The following HDAC4 variants were observed in gnomAD, a reference collection of about 807,000 sequenced individuals.
HDAC4 encodes the protein histone deacetylase 4.
HDAC4 carries 16 observed loss-of-function variants against 135.1 expected under a neutral mutation model. That is an observed-to-expected ratio of 0.12 (90% CI 0.08 to 0.18). The LOEUF is 0.18. Ranked by LOEUF, HDAC4 falls within the 10% of genes least tolerant of loss-of-function variation. The pLI, the probability that HDAC4 is intolerant of heterozygous loss-of-function variation, is 1.00. For synonymous variants in HDAC4, 685 were observed against 653.4 expected (o/e 1.05, Z -0.74); for missense variants, 1,143 against 1,511.8 (o/e 0.76, Z 4.05).
chr2:239,301,009 C>T (rs889657188), intron 2 of HDAC4, among the ~76,000 whole-genome samples: 1 of 152,228 alleles, frequency 6.6e-6, no homozygotes, highest in African/African-American at 2.4e-5. Context: ...ACAAGCCCTG[C>T]CCCCTCCTCC....
In HDAC4 at chr2:239,134,436, G is replaced by C. The variant is rs561727041; in HGVS notation, c.1103C>G (p.Ala368Gly). The part of the protein sequence containing the change: ...LPATGPSAGT[A>G]GQQDAERLTL... ...GAGTCTCTCGGCGTCCTGCTGGCCC[G>C]CCGTGCCCTGGAAAGCACAGCCAGG... The change falls in exon 11 of 27, where the codon GCG becomes GGG. Residue 368 changes from alanine (A) to glycine (G), a missense_variant. This residue lies in a region of HDAC4 where 272 missense variants were observed against 309.7 expected (regional missense o/e 0.88). Coordinates refer to ENST00000543185, the MANE Select transcript of HDAC4 (RefSeq NM_001378414.1). The C allele has an allele frequency of 6.2e-7, 1 of 1,613,346 alleles. No individual in the cohort carries two copies. The highest frequency in any genetic ancestry group is 8.5e-7 in the Non-Finnish European group (1 of 1,179,748).
At chr2:239,153,775 A>C (rs1287220013) in intron 7 of HDAC4, among the ~76,000 whole-genome samples, 1 of 152,246 alleles carries the variant, frequency 6.6e-6, no homozygotes, top group Non-Finnish European at 1.5e-5. Context: ...TTAGAAGCAC[A>C]GTAGAAGGTG....
At chr2:239,097,628 C>A (rs1449616501) in intron 16 of HDAC4, among the ~76,000 whole-genome samples, 1 of 152,232 alleles carries the variant, frequency 6.6e-6, no homozygotes, top group Non-Finnish European at 1.5e-5. Context: ...GCACGCCGGA[C>A]CCCTTTGGGA....
At chr2:239,295,069 A>G (rs1380110904) in intron 2 of HDAC4, among the ~76,000 whole-genome samples, 1 of 152,094 alleles carries the variant, frequency 6.6e-6, no homozygotes, top group Non-Finnish European at 1.5e-5. Context: ...GCACTTTGGG[A>G]GGCCGAGGCG....
Position 239,307,700 on chromosome 2 carries a change from A to G in HDAC4, c.22+44978T>C, listed in dbSNP as rs768246852. On this transcript the variant is annotated intron_variant, in intron 2 of 26. Transcript: ENST00000543185. The surrounding 1 kb of genome is among the most constrained non-coding windows in gnomAD (Gnocchi z 4.8). ...ACTCAGATGACGTTCTCATGACCGC[A>G]CTTGGTCTAAGCAAATGCTGCTGGG... Among the ~76,000 whole-genome samples the G allele has an allele frequency of 1.3e-5, 2 of 152,180 alleles. No individual in the cohort carries two copies. Among genetic ancestry groups the G allele is most frequent in the Admixed American group, 6.5e-5 (1 of 15,286 alleles).
chr2:239,347,110 C>T (rs1006784078), intron 2 of HDAC4, among the ~76,000 whole-genome samples: 2 of 152,244 alleles, frequency 1.3e-5, no homozygotes, highest in Non-Finnish European at 2.9e-5. Flanking sequence ...CACATACACA[C>T]AGACACTTTG....
chr2:239,330,259 G>A (rs1447194318), intron 2 of HDAC4, among the ~76,000 whole-genome samples: 1 of 152,272 alleles, frequency 6.6e-6, no homozygotes, highest in African/African-American at 2.4e-5. Context: ...TTCCATAGGA[G>A]CATCGGGAAG....
chr2:239,230,153 G>A (rs2153158535), intron 3 of HDAC4, among the ~76,000 whole-genome samples: 1 of 152,018 alleles, frequency 6.6e-6, no homozygotes, highest in East Asian at 1.9e-4. Context: ...GCCAAAAGGA[G>A]GGGGCGTCTA....
chr2:239,258,070 T>C (rs1056683091), intron 2 of HDAC4, among the ~76,000 whole-genome samples: 3 of 152,146 alleles, frequency 2.0e-5, no homozygotes, highest in Non-Finnish European at 4.4e-5. Flanking sequence ...GAAATGATGA[T>C]TTCTATGTTT....
At chr2:239,184,795 T>TGG (rs777329855) in intron 4 of HDAC4, among the ~76,000 whole-genome samples, 1 of 34,134 alleles carries the variant, frequency 2.9e-5, no homozygotes, top group African/African-American at 9.9e-5. Flanking sequence ...ATGTGTCCTA[T>TGG]GGGGGGGTCC....
At chr2:239,388,966 G>A (rs941432107) in intron 1 of HDAC4, among the ~76,000 whole-genome samples, 8 of 152,182 alleles carry the variant, frequency 5.3e-5, no homozygotes, top group African/African-American at 1.4e-4. Flanking sequence ...GAACCCTGCC[G>A]AGGGCTTCTC....
intron 22 of HDAC4, among the ~76,000 whole-genome samples, chr2:239,080,271 G>T (rs1032211785): frequency 6.6e-6 from 1 of 152,228 alleles, no homozygotes; most frequent in African/African-American, 2.4e-5. Context: ...TGGAGACAGA[G>T]AAAGAGAAAA....
chr2:239,203,736 C>T (rs2153079946), intron 3 of HDAC4, among the ~76,000 whole-genome samples: 1 of 152,290 alleles, frequency 6.6e-6, no homozygotes, highest in Non-Finnish European at 1.5e-5. Context: ...TCACCCCCAG[C>T]CCTGGCTGGG....
intron 2 of HDAC4, among the ~76,000 whole-genome samples, chr2:239,343,225 C>T (rs1448151212): frequency 6.6e-6 from 1 of 152,126 alleles, no homozygotes; most frequent in Admixed American, 6.5e-5. Context: ...TTATAATTTT[C>T]CCCAAAGTGC....
intron 2 of HDAC4, among the ~76,000 whole-genome samples, chr2:239,325,369 C>A (rs1415542829): frequency 6.6e-6 from 1 of 152,134 alleles, no homozygotes; most frequent in Non-Finnish European, 1.5e-5. Flanking sequence ...TACAACACAA[C>A]AACAAAAAAA....
chr2:239,182,116 C>T (rs1490559631), intron 4 of HDAC4, among the ~76,000 whole-genome samples: 1 of 152,138 alleles, frequency 6.6e-6, no homozygotes, highest in Non-Finnish European at 1.5e-5. Flanking sequence ...GGAAAGGTGC[C>T]CCGAGAGCAT....
chr2:239,272,686 C>G (rs746869416), intron 2 of HDAC4, among the ~76,000 whole-genome samples: 1 of 152,198 alleles, frequency 6.6e-6, no homozygotes, highest in African/African-American at 2.4e-5. Context: ...AACCCAGCAT[C>G]GGAACCTCTC....
chr2:239,049,552 G>GC lies in HDAC4; in HGVS notation c.*3544dup, dbSNP rs1294131022. 1 of 152,472 alleles carries GC rather than the reference G, an allele frequency of 6.6e-6. No homozygotes were observed. The highest frequency in any genetic ancestry group is 1.5e-5 in the Non-Finnish European group (1 of 68,038). The allele number at this position is 152,472 out of a possible 1,614,324, so 9.4% of individuals were successfully genotyped here. A position where few individuals can be genotyped will look rare whatever the true frequency, so the allele number is the denominator to read the frequency against. ...GTCTACAAAAAGAAGAATGGAATGA[G>GC]CACGTGGCTGTGACCAGTAAAGAAG... On this transcript the variant is annotated 3_prime_UTR_variant, in exon 27 of 27. Coordinates refer to ENST00000543185, the MANE Select transcript of HDAC4 (RefSeq NM_001378414.1).
intron 2 of HDAC4, among the ~76,000 whole-genome samples, chr2:239,329,797 G>A (rs1264861387): frequency 6.6e-6 from 1 of 152,180 alleles, no homozygotes; most frequent in African/African-American, 2.4e-5. Context: ...CAGGCGCTGG[G>A]CTCCGTGCCT....
Sources: gnomAD v4.1 joint callset for allele counts (sites outside exome capture counted in the v4.1 genomes callset) on GRCh38, gnomAD v4.1.1 for gene constraint, gnomAD v4.1.1 regional missense constraint, Gnocchi (gnomAD v3.1) non-coding constraint, MANE v1.5 for transcripts, NCBI Gene and HGNC (gene_info 2026-07-23, HGNC 2026-07-21) for gene names.